ACACB: variants seen among roughly 807,000 people sequenced by gnomAD.
ACACB encodes the protein acetyl-CoA carboxylase 2.
Under a neutral mutation model 278.8 loss-of-function variants are expected in ACACB, and 209 were observed. That is an observed-to-expected ratio of 0.75 (90% CI 0.67 to 0.84). ACACB has a LOEUF of 0.84. Among genes scored for constraint, ACACB ranks in the 40% least tolerant of loss-of-function variants. The pLI, the probability that ACACB is intolerant of heterozygous loss-of-function variation, is 0.00. For missense variants in ACACB, 2,850 were observed against 3,269.0 expected, an observed-to-expected ratio of 0.87 and a Z score of 3.13; for synonymous variants, 1,174 against 1,285.6, an observed-to-expected ratio of 0.91 and a Z score of 1.86.
chr12:109,185,618 C>T lies in ACACB; in HGVS notation c.1858C>T (p.Arg620Trp), dbSNP rs753053412. ...GCCACTGCACCGGCTGAAGGATATC[C>T]GGCTTCTGTATGGAGAGTCACCATG... ...GVPLHRLKDI[R>W]LLYGESPWGV... Residue 620 changes from arginine (R) to tryptophan (W), a missense_variant, in exon 12 of 53, where the codon CGG becomes TGG. Transcript: ENST00000338432. The T allele has an allele frequency of 9.9e-6, 16 of 1,613,744 alleles. No individual in the cohort carries two copies. The highest frequency in any genetic ancestry group is 4.4e-5 in the South Asian group (4 of 91,044).
intron 47 of ACACB, chr12:109,260,206 TG>T: frequency 7.1e-7 from 1 of 1,406,956 alleles, no homozygotes; most frequent in Non-Finnish European, 9.6e-7. Flanking sequence ...CAGTCATGGG[TG>T]AGGGCATTTC....
chr12:109,170,752 C>T (rs2044083868), intron 4 of ACACB, among the ~76,000 whole-genome samples: 1 of 150,630 alleles, frequency 6.6e-6, no homozygotes, highest in Non-Finnish European at 1.5e-5. Context: ...CACTATTGAA[C>T]TGTACACTCA....
In ACACB at chr12:109,266,443, T is replaced by A; in HGVS notation, c.*81T>A. On this transcript the variant is annotated 3_prime_UTR_variant, in exon 53 of 53. Coordinates refer to ENST00000338432, the MANE Select transcript of ACACB (RefSeq NM_001093.4). ...CCACCCGTACACCCTCAGCAGACCCTGAAGACTTGCTTTTAAACAAAGAAA... is the reference window on the plus strand; with the variant it reads ...CCACCCGTACACCCTCAGCAGACCCAGAAGACTTGCTTTTAAACAAAGAAA... 1 of 1,430,398 alleles carries A rather than the reference T, an allele frequency of 7.0e-7. No homozygotes were observed. Among genetic ancestry groups the A allele is most frequent in the Non-Finnish European group, 9.2e-7 (1 of 1,090,924 alleles). 88.6% of individuals were successfully genotyped at this position (1,430,398 alleles called of 1,614,324 possible).
rs761608576 is a variant in ACACB, at chr12:109,191,660, G to T, written c.2192G>T (p.Arg731Met). 9.3e-6 allele frequency: 15 copies of T among 1,614,176 alleles called. No individual in the cohort carries two copies. The highest frequency in any genetic ancestry group is 1.3e-5 in the Non-Finnish European group (15 of 1,180,028). The change falls in exon 14 of 53, where the codon AGG (arginine) becomes ATG (methionine). Residue 731 changes from arginine (R) to methionine (M), a missense_variant. Physicochemically the swap from Arg to Met is moderately conservative, Grantham distance 91. This residue lies in a region of ACACB where 2,265 missense variants were observed against 2,561.3 expected (regional missense o/e 0.88). Coordinates refer to ENST00000338432, the MANE Select transcript of ACACB (RefSeq NM_001093.4). ...LKELSIRGDF[R>M]TTVEYLINLL... Reference sequence around the variant, plus strand: ...GAACTGTCCATCCGAGGCGACTTTAGGACTACCGTGGAATACCTCATTAAC... The same window carrying T: ...GAACTGTCCATCCGAGGCGACTTTATGACTACCGTGGAATACCTCATTAAC...
chr12:109,149,686 T>C (rs1287108059), intron 2 of ACACB, among the ~76,000 whole-genome samples: 1 of 152,158 alleles, frequency 6.6e-6, no homozygotes, highest in Non-Finnish European at 1.5e-5. Flanking sequence ...GATGAAATGG[T>C]AGGTGGGGAA....
chr12:109,191,795 G>A lies in ACACB; in HGVS notation c.2295+32G>A, dbSNP rs773189122. The stretch of plus-strand genomic sequence containing the variant: ...AGTGAGCTGCCTGTGTCTCCCCTCT[G>A]GATGGCCGAGACCTCGGCTTCCTGA... On this transcript the variant is annotated intron_variant, in intron 14 of 52. Transcript: ENST00000338432. 1.9e-6 allele frequency: 3 copies of A among 1,614,008 alleles called. No homozygotes were observed. The South Asian group carries it at 3.3e-5, about 18-fold the overall frequency.
intron 20 of ACACB, among the ~76,000 whole-genome samples, chr12:109,208,910 A>C (rs1012078179): frequency 2.0e-5 from 3 of 152,160 alleles, no homozygotes; most frequent in African/African-American, 7.2e-5. Context: ...CTTATGTTTG[A>C]TCCCCCACAC....
chr12:109,247,802 G>C, intron 40 of ACACB, 99 bp downstream of exon 40: 1 of 1,000,982 alleles, frequency 1.0e-6, no homozygotes, highest in Non-Finnish European at 1.6e-6. Context: ...GTGGGGTGGT[G>C]GTGTTTGTAT....
intron 19 of ACACB, among the ~76,000 whole-genome samples, chr12:109,202,319 A>ATTATTG (rs1005213770): frequency 2.6e-5 from 4 of 151,848 alleles, no homozygotes; most frequent in African/African-American, 9.7e-5. Flanking sequence ...TATTATTATT[A>ATTATTG]TTCATTTTTT....
chr12:109,121,559 TC>T (rs1422004698), intron 1 of ACACB, among the ~76,000 whole-genome samples: 1 of 152,144 alleles, frequency 6.6e-6, no homozygotes, highest in African/African-American at 2.4e-5. Context: ...AGCATGGTGT[TC>T]CATGGCATCT....
Position 109,232,823 on chromosome 12 carries a change from G to A in ACACB, c.4139+17G>A, listed in dbSNP as rs753976409. The stretch of plus-strand genomic sequence containing the variant: ...CTTCACCAGGTACCCAGCATGGCCC[G>A]GTCTCCAACACCCTGAGCATGGGGG... On this transcript the variant is annotated intron_variant, in intron 29 of 52. Coordinates refer to ENST00000338432, the MANE Select transcript of ACACB (RefSeq NM_001093.4). 88 of 1,613,476 alleles carry A rather than the reference G, an allele frequency of 5.5e-5. No individual in the cohort carries two copies. The South Asian group carries it at 7.5e-4, about 14-fold the overall frequency.
chr12:109,253,090 C>T lies in ACACB; in HGVS notation c.5977C>T (p.His1993Tyr). ...VQIMHYNGVS[H>Y]ITVPDDFEGV... ...GATCATGCATTACAATGGTGTCTCC[C>T]ACATCACCGTGCCAGATGACTTTGA... is the stretch of plus-strand genomic sequence containing the variant. Residue 1993 changes from histidine to tyrosine, a missense_variant, in exon 43 of 53, where the codon CAC (histidine) becomes TAC (tyrosine). Physicochemically the swap from His to Tyr is moderately conservative, Grantham distance 83. Coordinates refer to ENST00000338432, the MANE Select transcript of ACACB (RefSeq NM_001093.4). The T allele has an allele frequency of 1.2e-6, 2 of 1,613,466 alleles. No individual in the cohort carries two copies. The highest frequency in any genetic ancestry group is 1.7e-6 in the Non-Finnish European group (2 of 1,179,658).
intron 22 of ACACB, among the ~76,000 whole-genome samples, chr12:109,213,668 C>T (rs958603139): frequency 6.6e-6 from 1 of 152,050 alleles, no homozygotes; most frequent in African/African-American, 2.4e-5. Flanking sequence ...GATCTTGGCT[C>T]ACTGCAAGCT....
intron 19 of ACACB, among the ~76,000 whole-genome samples, chr12:109,205,931 T>C (rs2045492977): frequency 1.3e-5 from 2 of 152,216 alleles, no homozygotes; most frequent in South Asian, 2.1e-4. Context: ...AATGAGCACA[T>C]TTAGTCTGTG....
At chr12:109,229,100 G>A (rs528202994) in intron 28 of ACACB, among the ~76,000 whole-genome samples, 1 of 152,118 alleles carries the variant, frequency 6.6e-6, no homozygotes, top group South Asian at 2.1e-4. Flanking sequence ...ACACCACCAT[G>A]CTCGGCTAAT....
intron 2 of ACACB, among the ~76,000 whole-genome samples, chr12:109,161,731 T>TTG (rs140801879): frequency 0.47 from 69,978 of 150,056 alleles, 17,502 homozygotes; most frequent in Middle Eastern, 0.68. Flanking sequence ...TAGTATTCTT[T>TTG]TGTGTGTATG....
At position 109,193,655 on chromosome 12, in the gene ACACB, G is replaced by A. The variant is rs1024779023; in HGVS notation, c.2407G>A (p.Val803Ile). The change falls in exon 16 of 53, where the codon GTC (valine) becomes ATC (isoleucine). Residue 803 changes from valine to isoleucine, a missense_variant. Val to Ile is a conservative substitution (Grantham distance 29). Transcript: ENST00000338432. The stretch of plus-strand genomic sequence containing the variant: ...CCCTGTCTTTTCTTTCAGGGGCCAG[G>A]TCCTCCCAGCGGATTCACTACTGAA... ...DFLHSLERGQVLPADSLLNLV... is the reference protein window; with the variant it reads ...DFLHSLERGQILPADSLLNLV... 1.2e-6 allele frequency: 2 copies of A among 1,613,582 alleles called. No individual in the cohort carries two copies. The highest frequency in any genetic ancestry group is 3.3e-5 in the Admixed American group (2 of 60,004).
At chr12:109,249,452 C>T (rs2047037027) in intron 40 of ACACB, 1 of 152,008 alleles carries the variant, frequency 6.6e-6, no homozygotes, top group African/African-American at 2.4e-5. Context: ...GAATCGTGGT[C>T]CTAGTTTTTA....
At chr12:109,113,611 A>G (rs114948131), upstream of ACACB, among the ~76,000 whole-genome samples, 461 of 151,870 alleles carry the variant, frequency 3.0e-3, no homozygotes, top group African/African-American at 0.011. Context: ...AGACTTTAGC[A>G]TGTTGCTAGT....
Sources: gnomAD v4.1 joint callset for allele counts (sites outside exome capture counted in the v4.1 genomes callset) on GRCh38, gnomAD v4.1.1 for gene constraint, gnomAD v4.1.1 regional missense constraint, MANE v1.5 for transcripts, NCBI Gene and HGNC (gene_info 2026-07-23, HGNC 2026-07-21) for gene names.